Variants in PPP3CC observed in about 807,000 individuals in gnomAD.
The protein encoded by PPP3CC is serine/threonine-protein phosphatase 2B catalytic subunit gamma isoform.
A neutral mutation model predicts 60.3 loss-of-function variants in PPP3CC; 35 were observed. The observed-to-expected ratio is 0.58, with a 90% CI of 0.44 to 0.77. PPP3CC has a LOEUF of 0.77. PPP3CC is among the 30% of genes least tolerant of loss of function. PPP3CC has a pLI of 0.00. For missense variants in PPP3CC, 570 were observed against 628.9 expected (o/e 0.91, Z 1.00); for synonymous variants, 206 against 224.3 (o/e 0.92, Z 0.73).
rs768554011 is a variant in PPP3CC, at chr8:22,511,173, TTCTC to T, written c.574_577del (p.Leu192ValfsTer13). On this transcript the variant is annotated frameshift_variant, in exon 5 of 14. Transcript: ENST00000240139. LOFTEE classifies it high-confidence loss of function. ...CTTGCTGCCCTCTTAAACCAGCAGTTTCTCTGTGTACATGGAGGAATGTCACCTG... is the reference window on the plus strand; with the variant it reads ...CTTGCTGCCCTCTTAAACCAGCAGTTTGTGTACATGGAGGAATGTCACCTG... 6.2e-7 allele frequency: 1 copy of T among 1,613,812 alleles called. No homozygotes were observed. Among genetic ancestry groups the T allele is most frequent in the Non-Finnish European group, 8.5e-7 (1 of 1,179,676 alleles).
chr8:22,452,716 A>G (rs1837071543), intron 1 of PPP3CC, among the ~76,000 whole-genome samples: 1 of 152,146 alleles, frequency 6.6e-6, no homozygotes, highest in South Asian at 2.1e-4. Flanking sequence ...TTTTACCTGC[A>G]TTTCTTTATG....
rs1353078894 is a variant in PPP3CC, at chr8:22,525,546, C to T, written c.944-1846C>T. Among the ~76,000 whole-genome samples, 634 of 121,198 alleles carry T rather than the reference C, an allele frequency of 5.2e-3. 6 individuals are homozygous for T. The highest frequency in any genetic ancestry group is 0.016 in the African/African-American group (570 of 35,184). 79.5% of individuals were successfully genotyped at this position (121,198 alleles called of 152,430 possible). ...TCTTTCTTTCTTTCTTTCTCTCCCT[C>T]TCTCTCTCTCTCTTTCTTTCTCTCT... On this transcript the variant is annotated intron_variant, in intron 8 of 13. Transcript: ENST00000240139.
chr8:22,502,313 G>T (rs1318008093), intron 4 of PPP3CC, among the ~76,000 whole-genome samples: 2 of 152,124 alleles, frequency 1.3e-5, no homozygotes, highest in East Asian at 1.9e-4. Flanking sequence ...ACAACAAAAA[G>T]GTAATCTAAA....
intron 12 of PPP3CC, among the ~76,000 whole-genome samples, chr8:22,537,604 C>A (rs1011726660): frequency 6.6e-6 from 1 of 152,130 alleles, no homozygotes; most frequent in Non-Finnish European, 1.5e-5. Flanking sequence ...AAAACTTGTA[C>A]ACAAATGTTC....
intron 1 of PPP3CC, among the ~76,000 whole-genome samples, chr8:22,448,440 C>T (rs1430837229): frequency 6.8e-6 from 1 of 147,280 alleles, no homozygotes. Flanking sequence ...AATGCAATAG[C>T]GTGATCTCGG....
chr8:22,488,333 G>A (rs992722312), intron 3 of PPP3CC, among the ~76,000 whole-genome samples: 1 of 152,116 alleles, frequency 6.6e-6, no homozygotes, highest in African/African-American at 2.4e-5. Context: ...TAAGCTTTAT[G>A]ATTATTTTGC....
At chr8:22,493,041 G>T in intron 3 of PPP3CC, 1 of 1,389,088 alleles carries the variant, frequency 7.2e-7, no homozygotes, top group South Asian at 1.2e-5. Context: ...TGAAGTTCCA[G>T]CTCTTGTGGA....
chr8:22,479,707 G>A (rs1838002816), intron 3 of PPP3CC, among the ~76,000 whole-genome samples: 1 of 143,112 alleles, frequency 7.0e-6, no homozygotes, highest in African/African-American at 2.6e-5. Context: ...TCGCCCCACT[G>A]CACTCCAGCC....
At chr8:22,526,432 T>G (rs1324378747) in intron 8 of PPP3CC, among the ~76,000 whole-genome samples, 4 of 152,228 alleles carry the variant, frequency 2.6e-5, no homozygotes, top group Non-Finnish European at 5.9e-5. Context: ...TAATGGAACA[T>G]GTACATCATA....
chr8:22,529,427 A>G (rs562570337), intron 10 of PPP3CC, among the ~76,000 whole-genome samples: 3 of 151,850 alleles, frequency 2.0e-5, no homozygotes, highest in South Asian at 2.1e-4. Flanking sequence ...CTAATGGACA[A>G]TTTTTTCTTG....
At chr8:22,464,554 G>T (rs1049179944) in intron 1 of PPP3CC, among the ~76,000 whole-genome samples, 1 of 151,900 alleles carries the variant, frequency 6.6e-6, no homozygotes, top group African/African-American at 2.4e-5. Flanking sequence ...TAATTTTTGT[G>T]TTTTTTTGGT....
chr8:22,495,441 G>A lies in PPP3CC; in HGVS notation c.373-2560G>A, dbSNP rs193245852. 4.8e-4 allele frequency among the ~76,000 whole-genome samples: 73 copies of A among 152,076 alleles called. 1 individual carries two copies. Among genetic ancestry groups the A allele is most frequent in the Middle Eastern group, 3.4e-3 (1 of 294 alleles). On this transcript the variant is annotated intron_variant, in intron 3 of 13. Transcript: ENST00000240139. The stretch of plus-strand genomic sequence containing the variant: ...TACAGCCTTGTGCATATTTATTTTC[G>A]TATTGTTGGAAGTGTATCTTCAGGG...
chr8:22,537,374 T>A (rs1839867008), intron 12 of PPP3CC, among the ~76,000 whole-genome samples: 1 of 152,142 alleles, frequency 6.6e-6, no homozygotes, highest in Non-Finnish European at 1.5e-5. Flanking sequence ...TCACAGTCAG[T>A]AGGATGGCTG....
intron 3 of PPP3CC, among the ~76,000 whole-genome samples, chr8:22,490,802 T>G (rs534966862): frequency 9.1e-4 from 138 of 152,246 alleles, no homozygotes; most frequent in African/African-American, 3.2e-3. Flanking sequence ...TTTATGGCTA[T>G]GTAGTATTCC....
intron 1 of PPP3CC, among the ~76,000 whole-genome samples, chr8:22,465,838 C>CT (rs1178569326): frequency 6.6e-6 from 1 of 151,862 alleles, no homozygotes; most frequent in Non-Finnish European, 1.5e-5. Flanking sequence ...TTAGTTTTTG[C>CT]TTTTTTTAAA....
intron 4 of PPP3CC, among the ~76,000 whole-genome samples, chr8:22,499,996 T>G (rs1838715883): frequency 6.6e-6 from 1 of 150,894 alleles, no homozygotes; most frequent in South Asian, 2.1e-4. Flanking sequence ...ACAACAGTAT[T>G]AGTTGCTCAT....
chr8:22,451,915 A>T (rs1837039131), intron 1 of PPP3CC, among the ~76,000 whole-genome samples: 1 of 152,176 alleles, frequency 6.6e-6, no homozygotes, highest in Non-Finnish European at 1.5e-5. Flanking sequence ...AAACAATCTG[A>T]AATTGAAATG....
Position 22,527,516 on chromosome 8 carries a change from A to G in PPP3CC, c.1068A>G (p.Lys356=). 1 of 1,613,616 alleles carries G rather than the reference A, an allele frequency of 6.2e-7. No homozygotes were observed. Among genetic ancestry groups the G allele is most frequent in the Non-Finnish European group, 8.5e-7 (1 of 1,179,824 alleles). The change falls in exon 9 of 14, where the codon AAA becomes AAG. Residue 356 remains lysine (K), a splice_region_variant and synonymous_variant. Coordinates refer to ENST00000240139, the MANE Select transcript of PPP3CC (RefSeq NM_005605.5). ...GGTCTTTGCCTTTTGTTGGGGAAAA[A>G]GGTAAGAGAACTAAAGCACATGTCT... The part of the protein sequence containing the change: ...FTWSLPFVGE[K]VTEMLVNVLN...
intron 12 of PPP3CC, among the ~76,000 whole-genome samples, chr8:22,538,234 CT>C (rs1284735152): frequency 6.6e-6 from 1 of 152,170 alleles, no homozygotes; most frequent in African/African-American, 2.4e-5. Flanking sequence ...AGCTTTTAAG[CT>C]CTAATTAGAC....
Sources: gnomAD v4.1 joint callset for allele counts (sites outside exome capture counted in the v4.1 genomes callset) on GRCh38, gnomAD v4.1.1 for gene constraint, MANE v1.5 for transcripts, NCBI Gene and HGNC (gene_info 2026-07-23, HGNC 2026-07-21) for gene names.